CD274: variants seen among roughly 807,000 people sequenced by gnomAD.
CD274 encodes the protein programmed cell death 1 ligand 1.
In CD274, 8 loss-of-function variants were observed where a neutral mutation model predicts 30.1. The observed-to-expected ratio is 0.27, with a 90% CI of 0.16 to 0.48. The LOEUF (loss-of-function observed/expected upper bound fraction) is 0.48. Among genes scored for constraint, CD274 ranks in the 20% least tolerant of loss-of-function variants. The pLI is 0.99. For synonymous variants in CD274, 152 were observed against 124.6 expected (o/e 1.22, Z -1.46); for missense variants, 353 against 346.6 (o/e 1.02, Z -0.15).
Position 5,468,416 on chromosome 9 carries a change from G to T in CD274, c.*554G>T. 4.3e-6 allele frequency: 1 copy of T among 233,092 alleles called. No homozygotes were observed. The highest frequency in any genetic ancestry group is 6.0e-5 in the East Asian group (1 of 16,538). 14.4% of individuals were successfully genotyped at this position (233,092 alleles called of 1,614,324 possible). A position where few individuals can be genotyped will look rare whatever the true frequency, so the allele number is the denominator to read the frequency against. ...TTGTAGTAGATGTTACAATTTTGTC[G>T]CCAAACTAAACTTGCTGCTTAATGA... is the stretch of plus-strand genomic sequence containing the variant. On this transcript the variant is annotated 3_prime_UTR_variant, in exon 7 of 7. Transcript: ENST00000381577.
At chr9:5,462,693 A>G (rs1466660063) in intron 3 of CD274, 141 bp from the exon 4 acceptor site, 1 of 687,272 alleles carries the variant, frequency 1.5e-6, no homozygotes, top group Non-Finnish European at 2.4e-6. Flanking sequence ...GGTGTTCCCC[A>G]CGGCTGAGGC....
intron 1 of CD274, among the ~76,000 whole-genome samples, chr9:5,451,849 T>G (rs941293383): frequency 1.3e-5 from 2 of 152,068 alleles, no homozygotes; most frequent in African/African-American, 2.4e-5. Context: ...TAAGAATTTT[T>G]TTTTTGTTTT....
At chr9:5,466,697 ATT>A in intron 5 of CD274, 71 bp from the exon 6 acceptor site, 1 of 1,140,938 alleles carries the variant, frequency 8.8e-7, no homozygotes, top group Non-Finnish European at 1.3e-6. Context: ...AGAACTTGAA[ATT>A]TAAACTTGGG....
At position 5,467,990 on chromosome 9, in the gene CD274, C is replaced by T. The variant is rs1819525677; in HGVS notation, c.*128C>T. 1.3e-5 allele frequency: 10 copies of T among 782,108 alleles called. No homozygotes were observed. In the Admixed American group the frequency reaches 1.4e-4, roughly 11 times the overall value. 48.4% of individuals were successfully genotyped at this position (782,108 alleles called of 1,614,324 possible). A position where few individuals can be genotyped will look rare whatever the true frequency, so the allele number is the denominator to read the frequency against. On this transcript the variant is annotated 3_prime_UTR_variant, in exon 7 of 7. Transcript: ENST00000381577. Reference sequence around the variant, plus strand: ...TGCAGGCAATGTGGGACTTAAAAGGCCCAAGCACTGAAAATGGAACCTGGC... The same window carrying T: ...TGCAGGCAATGTGGGACTTAAAAGGTCCAAGCACTGAAAATGGAACCTGGC...
chr9:5,467,205 AGAGAG>A (rs1819511938), intron 6 of CD274, among the ~76,000 whole-genome samples: 1 of 29,850 alleles, frequency 3.4e-5, no homozygotes, highest in Non-Finnish European at 5.9e-5. Flanking sequence ...ATTACCAAAG[AGAGAG>A]AGAGAGAGAG....
intron 3 of CD274, among the ~76,000 whole-genome samples, chr9:5,458,139 C>A (rs1200970856): frequency 2.6e-5 from 4 of 152,148 alleles, no homozygotes. Context: ...GGTATTGACC[C>A]ACAGTTATGT....
At chr9:5,456,897 G>C (rs1047811693) in intron 2 of CD274, among the ~76,000 whole-genome samples, 182 bp from the exon 3 acceptor site, 7 of 152,212 alleles carry the variant, frequency 4.6e-5, no homozygotes, top group African/African-American at 1.7e-4. Context: ...CTGTGTCTCA[G>C]CATGAGATAT....
intron 3 of CD274, 24 bp downstream of exon 3, chr9:5,457,444 G>T (rs374302813): frequency 1.3e-6 from 2 of 1,562,028 alleles, no homozygotes; most frequent in African/African-American, 1.4e-5. Flanking sequence ...TAGATGAGAG[G>T]CCTGATCTTT....
chr9:5,463,939 G>A (rs561784188), intron 4 of CD274, among the ~76,000 whole-genome samples: 121 of 152,218 alleles, frequency 7.9e-4, no homozygotes, highest in Middle Eastern at 3.4e-3. Context: ...AAAGTGAGGC[G>A]AGTGAGCATG....
intron 1 of CD274, among the ~76,000 whole-genome samples, chr9:5,452,622 G>T (rs1819227985): frequency 1.3e-5 from 2 of 152,204 alleles, no homozygotes; most frequent in Non-Finnish European, 2.9e-5. Context: ...CATGATCTTT[G>T]TATTCTGCCT....
In CD274 at chr9:5,462,811, ACTT is replaced by A; in HGVS notation, c.395-19_395-17del. ...AGTTCTGTGCTCAGCAAAAGCCCTG[ACTT>A]CTTTTTGTTTATGTCCTAGCCCCAT... On this transcript the variant is annotated intron_variant, in intron 3 of 6. Coordinates refer to ENST00000381577, the MANE Select transcript of CD274 (RefSeq NM_014143.4). The A allele has an allele frequency of 6.2e-7, 1 of 1,603,272 alleles. No homozygotes were observed. The highest frequency in any genetic ancestry group is 8.5e-7 in the Non-Finnish European group (1 of 1,172,970).
chr9:5,452,720 C>G (rs148118902), intron 1 of CD274, among the ~76,000 whole-genome samples: 2 of 152,248 alleles, frequency 1.3e-5, no homozygotes, highest in African/African-American at 4.8e-5. Context: ...AATATTGGAT[C>G]TAATCCATCA....
intron 3 of CD274, among the ~76,000 whole-genome samples, chr9:5,460,418 G>A (rs953203682): frequency 6.6e-6 from 1 of 152,028 alleles, no homozygotes; most frequent in Non-Finnish European, 1.5e-5. Flanking sequence ...ATGACTCTAG[G>A]GGGTAAGTGC....
chr9:5,462,770 A>G lies in CD274; in HGVS notation c.395-64A>G. On this transcript the variant is annotated intron_variant, in intron 3 of 6. Transcript: ENST00000381577. Reference sequence around the variant, plus strand: ...TGATACTCTTTCTAATGTGGACAGCATCAAGCTATGTACGTAGTTCTGTGC... The same window carrying G: ...TGATACTCTTTCTAATGTGGACAGCGTCAAGCTATGTACGTAGTTCTGTGC... 7 of 1,456,488 alleles carry G rather than the reference A, an allele frequency of 4.8e-6. No homozygotes were observed. In the South Asian group the frequency reaches 8.8e-5, roughly 18 times the overall value. The allele number at this position is 1,456,488 out of a possible 1,614,324, so 90.2% of individuals were successfully genotyped here. A position where few individuals can be genotyped will look rare whatever the true frequency, so the allele number is the denominator to read the frequency against.
At chr9:5,453,121 A>G (rs940287728) in intron 1 of CD274, among the ~76,000 whole-genome samples, 1 of 152,134 alleles carries the variant, frequency 6.6e-6, no homozygotes, top group African/African-American at 2.4e-5. Context: ...ATGTGACCTC[A>G]CAGGCCTGAA....
At chr9:5,453,525 T>C (rs1819245018) in intron 1 of CD274, among the ~76,000 whole-genome samples, 1 of 152,158 alleles carries the variant, frequency 6.6e-6, no homozygotes, top group African/African-American at 2.4e-5. Flanking sequence ...CACAAATACT[T>C]ATGATATTTT....
chr9:5,457,457 T>G (rs1281553311), intron 3 of CD274, 37 bp downstream of exon 3: 4 of 1,525,000 alleles, frequency 2.6e-6, no homozygotes, highest in Non-Finnish European at 3.6e-6. Flanking sequence ...TGATCTTTAT[T>G]GAAAACATAT....
intron 6 of CD274, 118 bp downstream of exon 6, chr9:5,466,947 C>T (rs1198300463): frequency 1.4e-6 from 1 of 713,214 alleles, no homozygotes; most frequent in East Asian, 2.8e-5. Context: ...GCTGGTTCCC[C>T]TTTGCCTCAC....
In CD274 at chr9:5,469,529, G is replaced by A. The variant is rs1190711475; in HGVS notation, c.*1667G>A. The A allele has an allele frequency of 4.3e-6, 1 of 231,306 alleles. No homozygotes were observed. The highest frequency in any genetic ancestry group is 8.5e-6 in the Non-Finnish European group (1 of 116,976). The allele number at this position is 231,306 out of a possible 1,614,324, so 14.3% of individuals were successfully genotyped here. A position where few individuals can be genotyped will look rare whatever the true frequency, so the allele number is the denominator to read the frequency against. ...CTAAATAGTAACACATTGTATGTCT[G>A]CTGTGTACTTTGCTATTTTTATTTA... On this transcript the variant is annotated 3_prime_UTR_variant, in exon 7 of 7. Coordinates refer to ENST00000381577, the MANE Select transcript of CD274 (RefSeq NM_014143.4).
Sources: allele counts gnomAD v4.1 joint callset (sites outside exome capture counted in the v4.1 genomes callset), GRCh38; gene constraint gnomAD v4.1.1; transcripts MANE v1.5; gene names NCBI Gene and HGNC (gene_info 2026-07-23, HGNC 2026-07-21).